The following SPTBN2 variants were observed in gnomAD, a reference collection of about 807,000 sequenced individuals.
SPTBN2 encodes spectrin beta, non-erythrocytic 2, also known as spectrin beta chain, non-erythrocytic 2.
In SPTBN2, 107 loss-of-function variants were observed where a neutral mutation model predicts 284.2. The observed-to-expected ratio is 0.38, with a 90% CI of 0.32 to 0.44. The LOEUF is 0.44. Among genes scored for constraint, SPTBN2 ranks in the 20% least tolerant of loss-of-function variants. The probability of loss-of-function intolerance (pLI) is 1.00; values close to 1 mark genes in which losing one functional copy is unlikely to be tolerated. For synonymous variants in SPTBN2, 1,289 were observed against 1,354.8 expected (o/e 0.95, Z 1.07); for missense variants, 2,569 against 3,287.1 (o/e 0.78, Z 5.34).
At chr11:66,688,427 G>C (rs1022186108) in intron 31 of SPTBN2, 116 bp from the exon 32 acceptor site, 1 of 1,532,750 alleles carries the variant, frequency 6.5e-7, no homozygotes, top group African/African-American at 1.4e-5. Context: ...GAGGAGAACA[G>C]AATTTGAGAA....
At position 66,718,902 on chromosome 11, in the gene SPTBN2, GGGGCAGGGCCAGGCCCTGC is replaced by G. The variant is rs1460875492; in HGVS notation, c.157+2163_157+2181del. Among the ~76,000 whole-genome samples the G allele has an allele frequency of 6.6e-6, 1 of 152,222 alleles. No homozygotes were observed. Among genetic ancestry groups the G allele is most frequent in the Non-Finnish European group, 1.5e-5 (1 of 68,034 alleles). On this transcript the variant is annotated intron_variant, in intron 3 of 37. Transcript: ENST00000533211. The surrounding 1 kb of genome is among the most constrained non-coding windows in gnomAD (Gnocchi z 4.8). Reference sequence around the variant, plus strand: ...GGAGAGAGGCGGAGTGTGGCCGGCGGGGGCAGGGCCAGGCCCTGCGGGGCGGCGGAGGAGGGCACTGCCA... The same window carrying G: ...GGAGAGAGGCGGAGTGTGGCCGGCGGGGGGCGGCGGAGGAGGGCACTGCCA...
At chr11:66,719,962 G>A (rs1264282141) in intron 3 of SPTBN2, among the ~76,000 whole-genome samples, 1 of 152,156 alleles carries the variant, frequency 6.6e-6, no homozygotes, top group Non-Finnish European at 1.5e-5. Flanking sequence ...AATGAGAAGG[G>A]GTCCTGGGAA....
At position 66,691,530 on chromosome 11, in the gene SPTBN2, G is replaced by A. The variant is rs780991267; in HGVS notation, c.5319C>T (p.Ala1773=). 2.4e-5 allele frequency: 39 copies of A among 1,612,874 alleles called. No homozygotes were observed. Among genetic ancestry groups the A allele is most frequent in the Non-Finnish European group, 3.1e-5 (37 of 1,180,032 alleles). The part of the protein sequence containing the change: ...AGGHAARATV[A]EWKDSLNEAW... ...CCTCGTTGAGACTGTCCTTCCACTC[G>A]GCCACGGTGGCCCGTGCAGCATGGC... is the stretch of plus-strand genomic sequence containing the variant. The change falls in exon 27 of 38, where the codon GCC becomes GCT. Residue 1773 remains alanine (A), a synonymous_variant. Transcript: ENST00000533211. This position sits in a 1 kb window ranked among gnomAD's most constrained non-coding sequence, Gnocchi z 8.0.
chr11:66,743,934 C>T (rs1468334096), intron 1 of SPTBN2, among the ~76,000 whole-genome samples: 2 of 152,238 alleles, frequency 1.3e-5, no homozygotes, highest in Admixed American at 6.5e-5. Flanking sequence ...GATCTCGGCT[C>T]ACTGCAACCT....
At chr11:66,744,662 G>C in exon 1 of SPTBN2, 1 of 485,838 alleles carries the variant, frequency 2.1e-6, no homozygotes, top group Non-Finnish European at 2.9e-6. Flanking sequence ...CGCGGTCTCG[G>C]GGCCCTGCAG....
At chr11:66,724,289 G>T (rs563957188) in intron 1 of SPTBN2, among the ~76,000 whole-genome samples, 1 of 152,304 alleles carries the variant, frequency 6.6e-6, no homozygotes, top group South Asian at 2.1e-4. Flanking sequence ...TGGGCATGGT[G>T]GCAGGTGCCT....
intron 20 of SPTBN2, 65 bp from the exon 21 acceptor site, chr11:66,696,605 G>A: frequency 6.2e-7 from 1 of 1,600,142 alleles, no homozygotes; most frequent in Non-Finnish European, 8.5e-7. Context: ...GCTGAGAGCA[G>A]ACCAGGGGCC....
chr11:66,720,802 A>AC (rs1225944218), intron 3 of SPTBN2, among the ~76,000 whole-genome samples: 1 of 151,980 alleles, frequency 6.6e-6, no homozygotes, highest in Non-Finnish European at 1.5e-5. Context: ...AAGGGACATG[A>AC]CCCGGGGGCT....
At position 66,689,813 on chromosome 11, in the gene SPTBN2, C is replaced by T. The variant is rs768176227; in HGVS notation, c.5941G>A (p.Ala1981Thr). The T allele has an allele frequency of 3.7e-6, 6 of 1,613,618 alleles. No homozygotes were observed. The African/African-American group carries it at 6.7e-5, about 18-fold the overall frequency. Residue 1981 changes from alanine to threonine, a missense_variant, in exon 29 of 38, where the codon GCC (alanine) becomes ACC (threonine). Ala to Thr is a moderately conservative substitution (Grantham distance 58). This residue lies in a region of SPTBN2 where 1,130 missense variants were observed against 1,317.3 expected (regional missense o/e 0.86). Transcript: ENST00000533211. ...ACCCAGGCCTCACCCACCTCCTCGG[C>T]CGCATAGTGGCTCCTGGCCAGCAGC... is the stretch of plus-strand genomic sequence containing the variant. ...KELLARSHYA[A>T]EEISEKLSQL...
At chr11:66,698,498 G>C in intron 20 of SPTBN2, 141 bp downstream of exon 20, 1 of 1,251,336 alleles carries the variant, frequency 8.0e-7, no homozygotes, top group Non-Finnish European at 1.1e-6. Flanking sequence ...TTGTTTCCCA[G>C]AGGCCATAAC....
At chr11:66,688,971 G>A in intron 30 of SPTBN2, 122 bp from the exon 31 acceptor site, 2 of 1,466,990 alleles carry the variant, frequency 1.4e-6, no homozygotes. Flanking sequence ...GCTGTGCCAG[G>A]CAGCACGAAG....
intron 28 of SPTBN2, 32 bp from the exon 29 acceptor site, chr11:66,689,975 G>A: frequency 6.2e-7 from 1 of 1,613,406 alleles, no homozygotes; most frequent in Non-Finnish European, 8.5e-7. Flanking sequence ...ATCACCTGCT[G>A]CCCACAGCCC....
rs750345160 is a variant in SPTBN2, at chr11:66,707,332, T to A, written c.1653+184A>T. On this transcript the variant is annotated intron_variant, in intron 13 of 37. Transcript: ENST00000533211. This position sits in a 1 kb window ranked among gnomAD's most constrained non-coding sequence, Gnocchi z 4.9. ...TCCGTGGGTTTTGTCATCAGCCTCC[T>A]CCATGTGGACACGAACCCCATGTGG... 1.8e-4 allele frequency among the ~76,000 whole-genome samples: 27 copies of A among 152,234 alleles called. No homozygotes were observed. The highest frequency in any genetic ancestry group is 2.9e-4 in the Non-Finnish European group (20 of 68,042).
chr11:66,710,907 T>C lies in SPTBN2; in HGVS notation c.885+10A>G. The C allele has an allele frequency of 1.2e-6, 2 of 1,614,006 alleles. No individual in the cohort carries two copies. The highest frequency in any genetic ancestry group is 1.3e-5 in the African/African-American group (1 of 75,072). Reference sequence around the variant, plus strand: ...CTCTGGCCTTTATGCCTACTGCCCATGGACAGTACCTTGCCAATTCTCTTG... The same window carrying C: ...CTCTGGCCTTTATGCCTACTGCCCACGGACAGTACCTTGCCAATTCTCTTG... On this transcript the variant is annotated intron_variant, in intron 9 of 37. Coordinates refer to ENST00000533211, the MANE Select transcript of SPTBN2 (RefSeq NM_006946.4). The surrounding 1 kb of genome is among the most constrained non-coding windows in gnomAD (Gnocchi z 4.9).
intron 1 of SPTBN2, among the ~76,000 whole-genome samples, chr11:66,726,507 G>A (rs1942626826): frequency 6.6e-6 from 1 of 152,208 alleles, no homozygotes; most frequent in Non-Finnish European, 1.5e-5. Flanking sequence ...ATTGGTTAGA[G>A]GAGCCATGAG....
At chr11:66,716,365 C>T (rs996344536) in intron 3 of SPTBN2, among the ~76,000 whole-genome samples, 2 of 151,796 alleles carry the variant, frequency 1.3e-5, no homozygotes, top group Non-Finnish European at 2.9e-5. Context: ...CGCCTGTAGT[C>T]CCAGCTACTC....
rs1219192903 is a variant in SPTBN2 at position 66,715,881 on chromosome 11, C to T, written c.258G>A (p.Arg86=). 1 of 1,614,082 alleles carries T rather than the reference C, an allele frequency of 6.2e-7. No homozygotes were observed. The highest frequency in any genetic ancestry group is 8.5e-7 in the Non-Finnish European group (1 of 1,180,020). ...GGAGCCTCAGCAGGTTGCGTCCGTC[C>T]CGGAGGTCGCTGTACAGGTCCCCCA... ...CRVGDLYSDL[R]DGRNLLRLLE... is the part of the protein sequence containing the mutation. The change falls in exon 4 of 38, where the codon CGG becomes CGA. Residue 86 remains arginine, a synonymous_variant. Transcript: ENST00000533211. This position sits in a 1 kb window ranked among gnomAD's most constrained non-coding sequence, Gnocchi z 5.3.
rs1055999256 is a variant in SPTBN2, at chr11:66,729,073, C to A, written c.-446G>T. ...AGGAGAATTCCGGCCTAGTCACCGTCTTGAGGGGGGTGGGGGTGGGGGCAG... is the reference window on the plus strand; with the variant it reads ...AGGAGAATTCCGGCCTAGTCACCGTATTGAGGGGGGTGGGGGTGGGGGCAG... On this transcript the variant is annotated 5_prime_UTR_variant, in exon 1 of 38. Coordinates refer to ENST00000533211, the MANE Select transcript of SPTBN2 (RefSeq NM_006946.4). 1 of 136,700 alleles carries A rather than the reference C, an allele frequency of 7.3e-6. No individual in the cohort carries two copies. Among genetic ancestry groups the A allele is most frequent in the Non-Finnish European group, 1.5e-5 (1 of 64,722 alleles). 8.5% of individuals were successfully genotyped at this position (136,700 alleles called of 1,614,324 possible). A position where few individuals can be genotyped will look rare whatever the true frequency, so the allele number is the denominator to read the frequency against.
intron 36 of SPTBN2, 90 bp from the exon 37 acceptor site, chr11:66,686,530 G>T: frequency 7.0e-7 from 1 of 1,423,812 alleles, no homozygotes; most frequent in Non-Finnish European, 9.9e-7. Context: ...CCCAACACCA[G>T]GCTGGGACAT....
Sources: allele counts gnomAD v4.1 joint callset (sites outside exome capture counted in the v4.1 genomes callset), GRCh38; gene constraint gnomAD v4.1.1; regional missense constraint gnomAD v4.1.1; non-coding constraint Gnocchi (gnomAD v3.1); transcripts MANE v1.5; gene names NCBI Gene and HGNC (gene_info 2026-07-23, HGNC 2026-07-21).